Variants in NRXN3 observed in about 807,000 individuals in gnomAD.
NRXN3 encodes neurexin 3.
A neutral mutation model predicts 137.6 loss-of-function variants in NRXN3; 32 were observed. The observed-to-expected ratio is 0.23, with a 90% confidence interval of 0.18 to 0.31. The LOEUF (loss-of-function observed/expected upper bound fraction) is 0.31. NRXN3 is among the 10% of genes least tolerant of loss of function. NRXN3 has a pLI of 1.00. For missense variants in NRXN3, 1,574 were observed against 2,062.5 expected (o/e 0.76, Z 4.59); for synonymous variants, 798 against 784.5 (o/e 1.02, Z -0.29).
chr14:78,321,434 G>A (rs915709377), intron 4 of NRXN3, among the ~76,000 whole-genome samples: 5 of 151,906 alleles, frequency 3.3e-5, no homozygotes, highest in African/African-American at 1.2e-4. Flanking sequence ...GTTTTTTTCT[G>A]GATTCATAAA....
intron 15 of NRXN3, among the ~76,000 whole-genome samples, chr14:79,021,636 G>C (rs900256907): frequency 6.6e-6 from 1 of 152,072 alleles, no homozygotes; most frequent in Non-Finnish European, 1.5e-5. Flanking sequence ...TCTAATACTA[G>C]ATTGAATGTA....
intron 8 of NRXN3, among the ~76,000 whole-genome samples, chr14:78,797,684 T>C (rs892643407): frequency 6.6e-6 from 1 of 152,180 alleles, no homozygotes; most frequent in Non-Finnish European, 1.5e-5. Flanking sequence ...TATTAGTCTG[T>C]TCTCATACTA....
At chr14:79,810,206 A>G (rs1288005127) in intron 20 of NRXN3, among the ~76,000 whole-genome samples, 1 of 152,206 alleles carries the variant, frequency 6.6e-6, no homozygotes, top group Non-Finnish European at 1.5e-5. Flanking sequence ...GCGAAAAAAA[A>G]AAGTAATACT....
chr14:79,403,162 C>G (rs2153496670), intron 15 of NRXN3, among the ~76,000 whole-genome samples: 1 of 152,182 alleles, frequency 6.6e-6, no homozygotes, highest in South Asian at 2.1e-4. Flanking sequence ...CCACTTTTCT[C>G]TAATTTAGAA....
chr14:79,468,468 G>A (rs2096458196), intron 16 of NRXN3, among the ~76,000 whole-genome samples: 1 of 152,146 alleles, frequency 6.6e-6, no homozygotes, highest in Non-Finnish European at 1.5e-5. Flanking sequence ...ATAGCAGGAG[G>A]AAAAGGCAGT....
chr14:79,805,683 TG>T (rs1330676807), intron 20 of NRXN3, among the ~76,000 whole-genome samples: 1 of 152,158 alleles, frequency 6.6e-6, no homozygotes, highest in Non-Finnish European at 1.5e-5. Context: ...CAAAAATATA[TG>T]TATATATATA....
intron 20 of NRXN3, among the ~76,000 whole-genome samples, chr14:79,839,634 G>A (rs2099351602): frequency 6.6e-6 from 1 of 152,092 alleles, no homozygotes; most frequent in African/African-American, 2.4e-5. Context: ...GTGTGCAGAA[G>A]GTTTTTAACT....
At chr14:78,876,475 G>A (rs1275769873) in intron 10 of NRXN3, among the ~76,000 whole-genome samples, 1 of 152,196 alleles carries the variant, frequency 6.6e-6, no homozygotes, top group Non-Finnish European at 1.5e-5. Flanking sequence ...GATTCATAGT[G>A]TACTTAGTGT....
intron 5 of NRXN3, among the ~76,000 whole-genome samples, chr14:78,648,450 G>T (rs1332247755): frequency 2.0e-5 from 3 of 152,172 alleles, no homozygotes; most frequent in Non-Finnish European, 4.4e-5. Flanking sequence ...AAGAGGAATT[G>T]GGGGAGAGAG....
At chr14:78,784,940 A>G (rs1357084930) in intron 8 of NRXN3, among the ~76,000 whole-genome samples, 1 of 152,120 alleles carries the variant, frequency 6.6e-6, no homozygotes, top group Non-Finnish European at 1.5e-5. Flanking sequence ...AGTGAAAGGA[A>G]CAGCAGGGGC....
chr14:78,495,141 GTGT>G (rs386779123), intron 4 of NRXN3, among the ~76,000 whole-genome samples: 3 of 18,442 alleles, frequency 1.6e-4, no homozygotes, highest in Admixed American at 8.7e-4. Context: ...GTGCGTGCGT[GTGT>G]GTGTGTGTGT....
At chr14:79,654,787 A>C (rs1003173350) in intron 16 of NRXN3, among the ~76,000 whole-genome samples, 1 of 152,154 alleles carries the variant, frequency 6.6e-6, no homozygotes, top group East Asian at 1.9e-4. Context: ...TATCTGAGGG[A>C]TTGACTGAAA....
intron 15 of NRXN3, among the ~76,000 whole-genome samples, chr14:79,452,319 G>C (rs1025466789): frequency 6.6e-6 from 1 of 152,058 alleles, no homozygotes; most frequent in African/African-American, 2.4e-5. Context: ...CCATAAAATT[G>C]CATTTTCTAA....
intron 16 of NRXN3, among the ~76,000 whole-genome samples, chr14:79,646,080 G>A (rs1567763443): frequency 7.3e-6 from 1 of 136,112 alleles, no homozygotes; most frequent in African/African-American, 2.4e-5. Context: ...CTAAATTGCA[G>A]GTTGTACTGC....
chr14:79,650,785 G>C (rs1337668718), intron 16 of NRXN3, among the ~76,000 whole-genome samples: 2 of 152,114 alleles, frequency 1.3e-5, no homozygotes, highest in Non-Finnish European at 2.9e-5. Context: ...GGTACTTCTT[G>C]GGGGAAAACA....
At chr14:79,621,484 C>T (rs2098224049) in intron 16 of NRXN3, among the ~76,000 whole-genome samples, 1 of 152,180 alleles carries the variant, frequency 6.6e-6, no homozygotes, top group Non-Finnish European at 1.5e-5. Flanking sequence ...GTTTTCTGTA[C>T]ATATTACATG....
chr14:78,912,392 C>G (rs1381954651), intron 10 of NRXN3, among the ~76,000 whole-genome samples: 1 of 151,188 alleles, frequency 6.6e-6, no homozygotes, highest in Non-Finnish European at 1.5e-5. Context: ...AAAAGCTATC[C>G]CAGTTATTCA....
intron 10 of NRXN3, among the ~76,000 whole-genome samples, chr14:78,915,086 A>T (rs927848368): frequency 2.0e-5 from 3 of 152,060 alleles, no homozygotes; most frequent in African/African-American, 7.2e-5. Context: ...TCAGAAAGAG[A>T]TGTTTTTGCC....
At chr14:78,411,885 A>T (rs887335636) in intron 4 of NRXN3, among the ~76,000 whole-genome samples, 2 of 152,192 alleles carry the variant, frequency 1.3e-5, no homozygotes, top group Non-Finnish European at 2.9e-5. Flanking sequence ...TAGACCTCAA[A>T]TGTCCTTTTC....
Sources: gnomAD v4.1 joint callset for allele counts (sites outside exome capture counted in the v4.1 genomes callset) on GRCh38, gnomAD v4.1.1 for gene constraint, MANE v1.5 for transcripts, NCBI Gene and HGNC (gene_info 2026-07-23, HGNC 2026-07-21) for gene names.